CNTNAP3: variants seen among roughly 807,000 people sequenced by gnomAD.
CNTNAP3 encodes contactin associated protein family member 3.
Under a neutral mutation model 92.1 loss-of-function variants are expected in CNTNAP3, and 36 were observed. The ratio of observed to expected loss-of-function variants is 0.39; its 90% CI spans 0.30 to 0.52. The LOEUF (loss-of-function observed/expected upper bound fraction) is 0.52. CNTNAP3 is among the 20% of genes least tolerant of loss of function. CNTNAP3 has a pLI of 0.76. For missense variants in CNTNAP3, 534 were observed against 1,069.6 expected, an observed-to-expected ratio of 0.50 and a Z score of 6.98; for synonymous variants, 232 against 422.3, an observed-to-expected ratio of 0.55 and a Z score of 5.53.
chr9:39,145,883 G>C (rs1033522955), intron 10 of CNTNAP3, among the ~76,000 whole-genome samples: 2 of 142,514 alleles, frequency 1.4e-5, no homozygotes, highest in African/African-American at 5.1e-5. Flanking sequence ...TAAAAGAGCA[G>C]CTGTTCCTCT....
In CNTNAP3 at chr9:39,133,124, A is replaced by C. The variant is rs1228510120; in HGVS notation, c.1888T>G (p.Trp630Gly). 3 of 1,573,904 alleles carry C rather than the reference A, an allele frequency of 1.9e-6. No homozygotes were observed. The highest frequency in any genetic ancestry group is 2.6e-6 in the Non-Finnish European group (3 of 1,165,340). ...VYCNMTADAA[W>G]TVVQHGGPDA... ...GGGCCACCGTGCTGCACCACCGTCC[A>C]CGCGGCGTCTGCTGAGCAGAAACGG... is the stretch of plus-strand genomic sequence containing the variant. The change falls in exon 13 of 24, where the codon TGG (tryptophan) becomes GGG (glycine). Residue 630 changes from tryptophan (W) to glycine (G), a missense_variant. Coordinates refer to ENST00000297668, the MANE Select transcript of CNTNAP3 (RefSeq NM_033655.5).
In CNTNAP3 at chr9:39,108,217, G is replaced by A. The variant is rs948575131; in HGVS notation, c.2365+943C>T. Among the ~76,000 whole-genome samples, 8 of 119,194 alleles carry A rather than the reference G, an allele frequency of 6.7e-5. No individual in the cohort carries two copies. In the East Asian group the frequency reaches 1.8e-3, roughly 27 times the overall value. 78.2% of individuals were successfully genotyped at this position (119,194 alleles called of 152,430 possible). A position where few individuals can be genotyped will look rare whatever the true frequency, so the allele number is the denominator to read the frequency against. Reference sequence around the variant, plus strand: ...CAGTGGGTAGGTCTGCATCTCAGATGAGGAGCCCCCAGACAAGGGTCCGGG... The same window carrying A: ...CAGTGGGTAGGTCTGCATCTCAGATAAGGAGCCCCCAGACAAGGGTCCGGG... On this transcript the variant is annotated intron_variant, in intron 15 of 23. Coordinates refer to ENST00000297668, the MANE Select transcript of CNTNAP3 (RefSeq NM_033655.5).
rs1035537838 is a variant in CNTNAP3, at chr9:39,118,340, G to A, written c.2081-81C>T. On this transcript the variant is annotated intron_variant, in intron 13 of 23. Coordinates refer to ENST00000297668, the MANE Select transcript of CNTNAP3 (RefSeq NM_033655.5). ...CCCATATAGCTCCCTTTACTCCCAG[G>A]TGTAAAGTGTATGTGTGAGAGACAG... The A allele has an allele frequency of 8.9e-6, 14 of 1,580,380 alleles. 1 individual carries two copies. Among genetic ancestry groups the A allele is most frequent in the East Asian group, 2.2e-5 (1 of 44,710 alleles).
At chr9:39,144,419 G>A in intron 10 of CNTNAP3, 73 bp from the exon 11 acceptor site, 1 of 1,509,752 alleles carries the variant, frequency 6.6e-7, no homozygotes, top group Non-Finnish European at 8.9e-7. Flanking sequence ...CCAAAAACAG[G>A]TTAACCAAAA....
chr9:39,085,361 G>A (rs1225753115), intron 21 of CNTNAP3: 8 of 221,422 alleles, frequency 3.6e-5, no homozygotes, highest in Non-Finnish European at 7.1e-5. Flanking sequence ...CAACTCAAAC[G>A]TAGTTTTATC....
intron 15 of CNTNAP3, among the ~76,000 whole-genome samples, chr9:39,108,406 C>T (rs1307675350): frequency 2.0e-5 from 3 of 152,188 alleles, no homozygotes; most frequent in African/African-American, 4.8e-5. Flanking sequence ...ATCTGGCACA[C>T]TCGGCAAGAA....
At chr9:39,091,235 A>G (rs965651572) in intron 18 of CNTNAP3, among the ~76,000 whole-genome samples, 3 of 151,986 alleles carry the variant, frequency 2.0e-5, no homozygotes, top group African/African-American at 4.8e-5. Context: ...ACAATGCTGA[A>G]TAGAACTAGT....
intron 21 of CNTNAP3, among the ~76,000 whole-genome samples, chr9:39,081,901 AC>A (rs1825947702): frequency 7.0e-6 from 1 of 141,984 alleles, no homozygotes; most frequent in Admixed American, 6.9e-5. Flanking sequence ...ACACGGTGAA[AC>A]CCCATCTCTA....
chr9:39,145,891 TC>T (rs1460051976), intron 10 of CNTNAP3, among the ~76,000 whole-genome samples: 2 of 142,594 alleles, frequency 1.4e-5, no homozygotes, highest in Non-Finnish European at 3.1e-5. Flanking sequence ...CAGCTGTTCC[TC>T]TTCCCCCACA....
chr9:39,128,252 A>G (rs965028054), intron 13 of CNTNAP3, among the ~76,000 whole-genome samples: 2 of 151,876 alleles, frequency 1.3e-5, no homozygotes, highest in Admixed American at 1.3e-4. Context: ...TGTAGGCAGT[A>G]TTGTCCTGAT....
At chr9:39,086,450 A>AAC (rs1826062439) in intron 20 of CNTNAP3, 1 of 377,118 alleles carries the variant, frequency 2.7e-6, no homozygotes, top group African/African-American at 2.4e-5. Flanking sequence ...AAGTAAAACA[A>AAC]ATAGATATTT....
chr9:39,133,303 A>C (rs1361925500), intron 12 of CNTNAP3, among the ~76,000 whole-genome samples, 168 bp from the exon 13 acceptor site: 1 of 152,178 alleles, frequency 6.6e-6, no homozygotes, highest in East Asian at 1.9e-4. Flanking sequence ...ACTGAGCCAG[A>C]ACTCAGCCTC....
Position 39,065,990 on chromosome 9 carries a change from T to A in CNTNAP3, c.*7900A>T, listed in dbSNP as rs1825501528. ...TCAAATTTATCAGATTTTTATTTTA[T>A]ATCTTGCTATTTGCTTTCTATTTGT... On this transcript the variant is annotated 3_prime_UTR_variant, in exon 24 of 24. Coordinates refer to ENST00000297668, the MANE Select transcript of CNTNAP3 (RefSeq NM_033655.5). Among the ~76,000 whole-genome samples the A allele has an allele frequency of 6.6e-6, 1 of 152,252 alleles. No homozygotes were observed. Among genetic ancestry groups the A allele is most frequent in the South Asian group, 2.1e-4 (1 of 4,836 alleles).
chr9:39,138,259 G>GTT (rs1404744555), intron 12 of CNTNAP3, among the ~76,000 whole-genome samples: 1 of 152,106 alleles, frequency 6.6e-6, no homozygotes, highest in Non-Finnish European at 1.5e-5. Context: ...AGTACTATAA[G>GTT]TAACATGTGT....
rs1011541776 is a variant in CNTNAP3 at position 39,069,346 on chromosome 9, T to C, written c.*4544A>G. ...AGGAGTTAAAATGTGATATGAGTCATACAAAGTGCTCATGCAGTCACAGAG... is the reference window on the plus strand; with the variant it reads ...AGGAGTTAAAATGTGATATGAGTCACACAAAGTGCTCATGCAGTCACAGAG... On this transcript the variant is annotated 3_prime_UTR_variant, in exon 24 of 24. Transcript: ENST00000297668. 1.3e-5 allele frequency among the ~76,000 whole-genome samples: 2 copies of C among 152,412 alleles called. No homozygotes were observed. Among genetic ancestry groups the C allele is most frequent in the Admixed American group, 6.5e-5 (1 of 15,314 alleles).
At chr9:39,146,607 T>C (rs1345400832) in intron 10 of CNTNAP3, among the ~76,000 whole-genome samples, 3 of 152,142 alleles carry the variant, frequency 2.0e-5, no homozygotes, top group Non-Finnish European at 4.4e-5. Flanking sequence ...GAGAATGGCA[T>C]GAACCCAGGA....
intron 10 of CNTNAP3, among the ~76,000 whole-genome samples, chr9:39,149,221 A>C (rs149652645): frequency 6.6e-6 from 1 of 152,336 alleles, no homozygotes; most frequent in East Asian, 1.9e-4. Context: ...GGGGTTGCAA[A>C]AGCGAGCTTG....
intron 11 of CNTNAP3, among the ~76,000 whole-genome samples, chr9:39,143,816 C>T (rs1368897525): frequency 6.6e-6 from 1 of 152,140 alleles, no homozygotes; most frequent in African/African-American, 2.4e-5. Context: ...GTTAAAAAAT[C>T]TTTAAATACC....
rs143976391 is a variant in CNTNAP3 at position 39,170,313 on chromosome 9, G to A, written c.1333+1056C>T. On this transcript the variant is annotated intron_variant, in intron 8 of 23. Coordinates refer to ENST00000297668, the MANE Select transcript of CNTNAP3 (RefSeq NM_033655.5). ...CAACATTTAATAGCAGTATAGTCAC[G>A]TGTGCCTCTTACAGCCAAAAGGAAT... Among the ~76,000 whole-genome samples the A allele has an allele frequency of 7.8e-4, 38 of 48,766 alleles. 4 individuals carry two copies. The highest frequency in any genetic ancestry group is 7.7e-3 in the African/African-American group (37 of 4,834). 32.0% of individuals were successfully genotyped at this position (48,766 alleles called of 152,430 possible).
Sources: gnomAD v4.1 joint callset for allele counts (sites outside exome capture counted in the v4.1 genomes callset) on GRCh38, gnomAD v4.1.1 for gene constraint, MANE v1.5 for transcripts, NCBI Gene and HGNC (gene_info 2026-07-23, HGNC 2026-07-21) for gene names.